The following STXBP5L variants were observed in gnomAD, a reference collection of about 807,000 sequenced individuals.
STXBP5L encodes syntaxin-binding protein 5-like.
Under a neutral mutation model 144.5 loss-of-function variants are expected in STXBP5L, and 65 were observed. That is an observed-to-expected ratio of 0.45 (90% CI 0.37 to 0.55). The LOEUF is 0.55. Among genes scored for constraint, STXBP5L ranks in the 20% least tolerant of loss-of-function variants. The pLI is 0.00. For synonymous variants in STXBP5L, 505 were observed against 469.6 expected, an observed-to-expected ratio of 1.08 and a Z score of -0.97; for missense variants, 1,298 against 1,405.5, an observed-to-expected ratio of 0.92 and a Z score of 1.22.
intron 20 of STXBP5L, among the ~76,000 whole-genome samples, chr3:121,359,218 C>T (rs2108634108): frequency 6.6e-6 from 1 of 152,170 alleles, no homozygotes; most frequent in Admixed American, 6.5e-5. Flanking sequence ...ATGTTGAGCA[C>T]CTTTTCATAA....
At chr3:121,275,964 G>A (rs2050869046) in intron 18 of STXBP5L, among the ~76,000 whole-genome samples, 2 of 151,830 alleles carry the variant, frequency 1.3e-5, no homozygotes, top group African/African-American at 4.8e-5. Context: ...GGCAATCTCT[G>A]CCCATAATTG....
At chr3:121,302,828 C>A (rs1033802540) in intron 19 of STXBP5L, among the ~76,000 whole-genome samples, 3 of 152,068 alleles carry the variant, frequency 2.0e-5, no homozygotes, top group Admixed American at 6.6e-5. Flanking sequence ...GGCTAGCCAT[C>A]TGTAGAAAGC....
At chr3:121,157,427 T>A in intron 8 of STXBP5L, 77 bp from the exon 9 acceptor site, 1 of 1,381,404 alleles carries the variant, frequency 7.2e-7, no homozygotes, top group Non-Finnish European at 9.6e-7. Context: ...ATCAGAATAG[T>A]TTTTCTTTGG....
chr3:120,972,062 T>G (rs952118965), intron 3 of STXBP5L, among the ~76,000 whole-genome samples: 1 of 152,078 alleles, frequency 6.6e-6, no homozygotes, highest in African/African-American at 2.4e-5. Flanking sequence ...TGGGACATTT[T>G]TTTGGTTTAT....
At chr3:121,030,028 A>G (rs1041707431) in intron 3 of STXBP5L, among the ~76,000 whole-genome samples, 1 of 152,186 alleles carries the variant, frequency 6.6e-6, no homozygotes, top group Non-Finnish European at 1.5e-5. Context: ...TCAGGAAACG[A>G]CAGAAGCTGG....
intron 18 of STXBP5L, 59 bp downstream of exon 18, chr3:121,259,227 G>C (rs1408009466): frequency 8.3e-6 from 11 of 1,326,902 alleles, no homozygotes; most frequent in Non-Finnish European, 1.1e-5. Context: ...TGATTTTTTA[G>C]ATGTTCCTTG....
chr3:121,316,686 C>T lies in STXBP5L; in HGVS notation c.2111-1789C>T, dbSNP rs927361145. 3.2e-4 allele frequency among the ~76,000 whole-genome samples: 48 copies of T among 152,170 alleles called. 1 individual carries two copies. The highest frequency in any genetic ancestry group is 7.4e-5 in the Non-Finnish European group (5 of 68,016). ...CTAGTTGCTGTTATTACTATTACTACAAAGAGCGTGTGGCACAGTAGGCAT... is the reference window on the plus strand; with the variant it reads ...CTAGTTGCTGTTATTACTATTACTATAAAGAGCGTGTGGCACAGTAGGCAT... On this transcript the variant is annotated intron_variant, in intron 19 of 26. Transcript: ENST00000471454.
Position 121,205,908 on chromosome 3 carries a change from A to AT in STXBP5L, c.878-7dup, listed in dbSNP as rs754187675. The AT allele has an allele frequency of 1.7e-3, 2,174 of 1,308,546 alleles. 1 individual carries two copies. Among genetic ancestry groups the AT allele is most frequent in the Middle Eastern group, 2.1e-3 (9 of 4,340 alleles). 81.1% of individuals were successfully genotyped at this position (1,308,546 alleles called of 1,614,324 possible). On this transcript the variant is annotated splice_polypyrimidine_tract_variant and intron_variant, in intron 9 of 26. Coordinates refer to ENST00000471454, the MANE Select transcript of STXBP5L (RefSeq NM_001308330.2). ...TAATTTAAATTAGATTCAATTAAAT[A>AT]TTTTTTTTCTTTAGGAAAAAGTCAA...
At chr3:121,203,929 A>G (rs2048235047) in intron 9 of STXBP5L, among the ~76,000 whole-genome samples, 1 of 151,944 alleles carries the variant, frequency 6.6e-6, no homozygotes, top group African/African-American at 2.4e-5. Context: ...CCAACCATCT[A>G]TTTCTCAATC....
At position 121,423,303 on chromosome 3, in the gene STXBP5L, G is replaced by A. The variant is rs2047393643; in HGVS notation, c.*4206G>A. ...CCTGGGTGCCAGAAATACTTGTGGTGTACTTGGTTTGAGCAGTACCTCTAG... is the reference window on the plus strand; with the variant it reads ...CCTGGGTGCCAGAAATACTTGTGGTATACTTGGTTTGAGCAGTACCTCTAG... On this transcript the variant is annotated 3_prime_UTR_variant, in exon 27 of 27. Coordinates refer to ENST00000471454, the MANE Select transcript of STXBP5L (RefSeq NM_001308330.2). The A allele has an allele frequency of 1.3e-5, 2 of 152,278 alleles. No individual in the cohort carries two copies. Among genetic ancestry groups the A allele is most frequent in the Admixed American group, 6.5e-5 (1 of 15,284 alleles). The allele number at this position is 152,278 out of a possible 1,614,324, so 9.4% of individuals were successfully genotyped here.
chr3:121,013,029 CTT>C (rs34968191), intron 3 of STXBP5L, among the ~76,000 whole-genome samples: 95 of 151,728 alleles, frequency 6.3e-4, no homozygotes, highest in African/African-American at 1.8e-3. Flanking sequence ...CGATTTTATT[CTT>C]TTTTTTTATG....
At chr3:121,316,918 A>G (rs926950464) in intron 19 of STXBP5L, among the ~76,000 whole-genome samples, 1 of 152,128 alleles carries the variant, frequency 6.6e-6, no homozygotes, top group African/African-American at 2.4e-5. Context: ...TATAACTTGC[A>G]GTTTCTAATT....
At chr3:121,047,882 T>C (rs959402783) in intron 5 of STXBP5L, among the ~76,000 whole-genome samples, 5 of 152,290 alleles carry the variant, frequency 3.3e-5, no homozygotes, top group African/African-American at 1.2e-4. Context: ...GATTTGATCC[T>C]TTCATCATGT....
At chr3:121,093,088 A>G (rs974689664) in intron 5 of STXBP5L, among the ~76,000 whole-genome samples, 2 of 152,204 alleles carry the variant, frequency 1.3e-5, no homozygotes, top group African/African-American at 2.4e-5. Context: ...TGATTTGCAT[A>G]TATCGAACCA....
chr3:121,354,135 T>G (rs990021615), intron 20 of STXBP5L, among the ~76,000 whole-genome samples: 1 of 152,192 alleles, frequency 6.6e-6, no homozygotes, highest in Non-Finnish European at 1.5e-5. Context: ...TGCAATGTGG[T>G]GCTGAGAAAA....
At chr3:121,356,667 C>T (rs2045525669) in intron 20 of STXBP5L, among the ~76,000 whole-genome samples, 1 of 152,202 alleles carries the variant, frequency 6.6e-6, no homozygotes. Context: ...ATGCCCTGCC[C>T]TGCTTCAGCT....
intron 19 of STXBP5L, among the ~76,000 whole-genome samples, chr3:121,292,657 C>T (rs532370906): frequency 1.1e-4 from 16 of 152,060 alleles, no homozygotes; most frequent in Admixed American, 3.3e-4. Flanking sequence ...CATCAATCAA[C>T]GAGTGGATAA....
intron 5 of STXBP5L, among the ~76,000 whole-genome samples, chr3:121,092,200 A>G (rs1323057401): frequency 2.0e-5 from 3 of 152,084 alleles, no homozygotes; most frequent in East Asian, 3.8e-4. Flanking sequence ...GAAGTCAGGT[A>G]GCATGATGCC....
intron 3 of STXBP5L, among the ~76,000 whole-genome samples, chr3:121,024,111 C>A (rs1408598379): frequency 6.6e-6 from 1 of 152,098 alleles, no homozygotes; most frequent in Non-Finnish European, 1.5e-5. Context: ...CTGCGAAAGA[C>A]ACTCTTAAAG....
Sources: gnomAD v4.1 joint callset for allele counts (sites outside exome capture counted in the v4.1 genomes callset) on GRCh38, gnomAD v4.1.1 for gene constraint, MANE v1.5 for transcripts, NCBI Gene and HGNC (gene_info 2026-07-23, HGNC 2026-07-21) for gene names.